Variants in LMLN observed in about 807,000 individuals in gnomAD.
The protein encoded by LMLN is leishmanolysin like peptidase.
Under a neutral mutation model 92.3 loss-of-function variants are expected in LMLN, and 70 were observed. The ratio of observed to expected loss-of-function variants is 0.76; its 90% CI spans 0.63 to 0.92. The LOEUF (loss-of-function observed/expected upper bound fraction) is 0.92. Among genes scored for constraint, LMLN ranks in the 40% least tolerant of loss-of-function variants. The probability of loss-of-function intolerance (pLI) is 0.00; values close to 1 mark genes in which losing one functional copy is unlikely to be tolerated. For missense variants in LMLN, 691 were observed against 814.6 expected, an observed-to-expected ratio of 0.85 and a Z score of 1.85; for synonymous variants, 308 against 296.2, an observed-to-expected ratio of 1.04 and a Z score of -0.41.
chr3:197,994,158 A>G (rs894378068), intron 9 of LMLN, among the ~76,000 whole-genome samples: 7 of 152,224 alleles, frequency 4.6e-5, no homozygotes, highest in African/African-American at 1.2e-4. Context: ...AGAAACTGTA[A>G]AACTACTAGA....
Position 198,006,518 on chromosome 3 carries a change from G to A in LMLN, c.1232+7176G>A, listed in dbSNP as rs73091361. On this transcript the variant is annotated intron_variant, in intron 11 of 15. Coordinates refer to ENST00000330198, the Ensembl canonical transcript of LMLN. ...AAACTTTTTAATTCCTGACAGTGAC[G>A]TGTAAGTGATATAGTTTCTCCACAT... 9.8e-3 allele frequency among the ~76,000 whole-genome samples: 1,497 copies of A among 152,246 alleles called. 23 individuals are homozygous for A. Among genetic ancestry groups the A allele is most frequent in the African/African-American group, 0.034 (1,421 of 41,552 alleles).
chr3:197,974,389 G>C, exon 2 of LMLN: 1 of 1,585,218 alleles, frequency 6.3e-7, no homozygotes, highest in South Asian at 1.1e-5. Context: ...CATAAATAAA[G>C]TTCATCTTAA....
intron 11 of LMLN, among the ~76,000 whole-genome samples, chr3:198,016,691 T>A (rs1206325648): frequency 6.6e-6 from 1 of 152,196 alleles, no homozygotes; most frequent in African/African-American, 2.4e-5. Context: ...TTTATTCCCC[T>A]TTTGGTCCCA....
At position 198,019,235 on chromosome 3, in the gene LMLN, A is replaced by G. The variant is rs765703497; in HGVS notation, c.1233-18A>G. On this transcript the variant is annotated intron_variant, in intron 11 of 15. Coordinates refer to ENST00000330198, the Ensembl canonical transcript of LMLN. The surrounding 1 kb of genome is among the most constrained non-coding windows in gnomAD (Gnocchi z 5.5). ...TTTCTTTAAAGTTTGATACCATGGTACTTCTCTTTGTTTGCAGGAGACAGA... is the reference window on the plus strand; with the variant it reads ...TTTCTTTAAAGTTTGATACCATGGTGCTTCTCTTTGTTTGCAGGAGACAGA... 1.9e-6 allele frequency: 3 copies of G among 1,604,420 alleles called. No homozygotes were observed. The East Asian group carries it at 6.7e-5, about 36-fold the overall frequency.
chr3:198,032,708 G>T (rs2109954687), intron 14 of LMLN, among the ~76,000 whole-genome samples: 1 of 152,204 alleles, frequency 6.6e-6, no homozygotes, highest in Middle Eastern at 3.4e-3. Context: ...TTATTCCTGT[G>T]GGGAGGGCAC....
intron 1 of LMLN, among the ~76,000 whole-genome samples, chr3:197,972,335 A>T (rs1157232449): frequency 6.6e-6 from 1 of 152,150 alleles, no homozygotes; most frequent in African/African-American, 2.4e-5. Context: ...AAGTGCTGGG[A>T]TTACAGGCAT....
At chr3:197,977,969 T>C (rs12636486) in intron 5 of LMLN, among the ~76,000 whole-genome samples, 9,572 of 120,124 alleles carry the variant, frequency 0.08, 395 homozygotes, top group African/African-American at 0.13. Flanking sequence ...ATATAAAAAT[T>C]ATCAAACAAT....
At chr3:197,971,944 C>CTTTTTTTT (rs756710031) in intron 1 of LMLN, among the ~76,000 whole-genome samples, 19 of 81,216 alleles carry the variant, frequency 2.3e-4, no homozygotes, top group South Asian at 4.5e-4. Flanking sequence ...AGTCTCTGTT[C>CTTTTTTTT]TTTTTTTTTT....
intron 8 of LMLN, among the ~76,000 whole-genome samples, chr3:197,989,217 C>G (rs187104253): frequency 9.7e-4 from 148 of 152,288 alleles, no homozygotes; most frequent in Non-Finnish European, 1.5e-3. Context: ...CCACACCGCT[C>G]CTGTTTCTAC....
intron 8 of LMLN, among the ~76,000 whole-genome samples, chr3:197,986,873 T>C (rs1248581803): frequency 4.0e-5 from 6 of 149,284 alleles, no homozygotes; most frequent in Admixed American, 2.0e-4. Flanking sequence ...ACAGTCTCGC[T>C]CTGTCGTTCA....
chr3:198,035,514 C>T (rs2109958875), intron 14 of LMLN, among the ~76,000 whole-genome samples: 1 of 151,962 alleles, frequency 6.6e-6, no homozygotes, highest in African/African-American at 2.4e-5. Context: ...AGGTGCATGA[C>T]ACCACGCCCA....
intron 14 of LMLN, among the ~76,000 whole-genome samples, chr3:198,034,198 G>T (rs1486446844): frequency 6.6e-6 from 1 of 152,212 alleles, no homozygotes; most frequent in East Asian, 1.9e-4. Flanking sequence ...AGGTTCAGAA[G>T]CATGCACTGA....
At chr3:197,980,545 G>T (rs1199717665) in intron 6 of LMLN, 41 bp downstream of exon 6, 1 of 1,573,402 alleles carries the variant, frequency 6.4e-7, no homozygotes, top group Non-Finnish European at 8.7e-7. Flanking sequence ...GATCTAATGT[G>T]GGAACTCTTA....
chr3:198,014,275 C>G (rs1315122718), intron 11 of LMLN, among the ~76,000 whole-genome samples: 7 of 138,382 alleles, frequency 5.1e-5, no homozygotes, highest in East Asian at 2.2e-4. Context: ...TGACTTCTCT[C>G]CACCCTTCAG....
exon 1 of LMLN, chr3:197,960,273 G>C (rs778634976): frequency 6.2e-7 from 1 of 1,613,578 alleles, no homozygotes; most frequent in South Asian, 1.1e-5. Flanking sequence ...CGGAGGAGTG[G>C]GTTACTCGGG....
chr3:197,984,721 T>C (rs980321986), intron 7 of LMLN, among the ~76,000 whole-genome samples: 136 of 151,496 alleles, frequency 9.0e-4, no homozygotes, highest in African/African-American at 3.1e-3. Flanking sequence ...AGTGTTGAGA[T>C]GAGAGGGGTG....
At chr3:197,984,901 T>C (rs1280776794) in intron 7 of LMLN, among the ~76,000 whole-genome samples, 1 of 151,832 alleles carries the variant, frequency 6.6e-6, no homozygotes, top group African/African-American at 2.4e-5. Context: ...GGTCTTGAAC[T>C]CCCGGGCTCA....
At chr3:198,017,163 A>G (rs1270425884) in intron 11 of LMLN, among the ~76,000 whole-genome samples, 2 of 152,120 alleles carry the variant, frequency 1.3e-5, no homozygotes. Flanking sequence ...TGTGGTCAGG[A>G]TTTGACCCAA....
chr3:197,977,712 C>T (rs562198742), intron 5 of LMLN, among the ~76,000 whole-genome samples: 13 of 134,092 alleles, frequency 9.7e-5, no homozygotes, highest in Non-Finnish European at 1.8e-4. Flanking sequence ...AAAAAATCAC[C>T]AAACAATCTG....
Sources: gnomAD v4.1 joint callset for allele counts (sites outside exome capture counted in the v4.1 genomes callset) on GRCh38, gnomAD v4.1.1 for gene constraint, Gnocchi (gnomAD v3.1) non-coding constraint, MANE v1.5 for transcripts, NCBI Gene and HGNC (gene_info 2026-07-23, HGNC 2026-07-21) for gene names.